The following FHIT variants were observed in gnomAD, a reference collection of about 807,000 sequenced individuals.
FHIT encodes the protein fragile histidine triad diadenosine triphosphatase.
Under a neutral mutation model 17.9 loss-of-function variants are expected in FHIT, and 19 were observed. The observed-to-expected ratio is 1.06, with a 90% CI of 0.74 to 1.56. The LOEUF is 1.56. Among genes scored for constraint, FHIT ranks in the 40% most tolerant of loss-of-function variants. FHIT has a pLI of 0.00. For missense variants in FHIT, 248 were observed against 189.2 expected (o/e 1.31, Z -1.82); for synonymous variants, 81 against 69.7 (o/e 1.16, Z -0.81).
chr3:60,777,917 T>C (rs983787014), intron 4 of FHIT, among the ~76,000 whole-genome samples: 1 of 152,208 alleles, frequency 6.6e-6, no homozygotes, highest in Non-Finnish European at 1.5e-5. Context: ...TCAAGTGTTT[T>C]AAACCTTGAA....
In FHIT at chr3:60,469,959, T is replaced by A. The variant is rs139416947; in HGVS notation, c.103+66901A>T. On this transcript the variant is annotated intron_variant, in intron 5 of 9. Transcript: ENST00000492590. ...GTAACTTCCAGAAGAATTCCCTGGA[T>A]TACCAGGCAGAGACTCTTGTTCTCA... Among the ~76,000 whole-genome samples, 53 of 152,074 alleles carry A rather than the reference T, an allele frequency of 3.5e-4. 1 individual carries two copies. The highest frequency in any genetic ancestry group is 1.2e-3 in the African/African-American group (50 of 41,492).
At chr3:60,107,404 C>G in intron 5 of FHIT, among the ~76,000 whole-genome samples, 1 of 152,064 alleles carries the variant, frequency 6.6e-6, no homozygotes, top group East Asian at 1.9e-4. Context: ...CAAACTGAGG[C>G]AGGATAAAAT....
chr3:60,455,378 G>A (rs751763284), intron 5 of FHIT, among the ~76,000 whole-genome samples: 6 of 151,988 alleles, frequency 3.9e-5, no homozygotes, highest in Admixed American at 6.6e-5. Context: ...GCAATCTTAC[G>A]GCCATTTACA....
intron 3 of FHIT, among the ~76,000 whole-genome samples, chr3:60,972,707 C>T (rs1370744000): frequency 6.6e-6 from 1 of 152,070 alleles, no homozygotes; most frequent in Non-Finnish European, 1.5e-5. Flanking sequence ...TGACACAGAC[C>T]TTTACACTAA....
chr3:59,975,103 T>C (rs1267075990), intron 7 of FHIT, among the ~76,000 whole-genome samples: 1 of 152,098 alleles, frequency 6.6e-6, no homozygotes, highest in East Asian at 1.9e-4. Flanking sequence ...TTTTTATCAG[T>C]TTTATTCATT....
At chr3:60,646,289 A>G (rs1450246984) in intron 4 of FHIT, among the ~76,000 whole-genome samples, 2 of 152,120 alleles carry the variant, frequency 1.3e-5, no homozygotes, top group African/African-American at 4.8e-5. Context: ...TTATATATAT[A>G]TACATTTACG....
chr3:61,206,162 G>C (rs1052998029), intron 1 of FHIT, among the ~76,000 whole-genome samples: 1 of 133,998 alleles, frequency 7.5e-6, no homozygotes, highest in Admixed American at 8.2e-5. Flanking sequence ...GCTCTGTTCT[G>C]TTCCATTGAT....
chr3:60,923,530 C>T (rs923002383), intron 3 of FHIT, among the ~76,000 whole-genome samples: 1 of 152,182 alleles, frequency 6.6e-6, no homozygotes, highest in Non-Finnish European at 1.5e-5. Flanking sequence ...AATAATTATA[C>T]TTCCTAAAAG....
At chr3:59,906,882 T>C (rs555202333) in intron 8 of FHIT, among the ~76,000 whole-genome samples, 6 of 152,350 alleles carry the variant, frequency 3.9e-5, no homozygotes, top group East Asian at 1.9e-4. Context: ...TTATCTCCTA[T>C]TCTCAGTGAA....
chr3:60,719,228 C>CCA (rs1461092759), intron 4 of FHIT, among the ~76,000 whole-genome samples: 1 of 152,138 alleles, frequency 6.6e-6, no homozygotes, highest in Non-Finnish European at 1.5e-5. Flanking sequence ...ATCTAATAAA[C>CCA]CATCTCTATT....
chr3:60,663,649 C>T (rs1252494548), intron 4 of FHIT, among the ~76,000 whole-genome samples: 1 of 152,026 alleles, frequency 6.6e-6, no homozygotes, highest in East Asian at 1.9e-4. Context: ...GTTGGCCAGG[C>T]TGGTCTCAAA....
intron 5 of FHIT, among the ~76,000 whole-genome samples, chr3:60,258,838 TGGAAG>T (rs1706151137): frequency 6.6e-6 from 1 of 152,120 alleles, no homozygotes; most frequent in Non-Finnish European, 1.5e-5. Context: ...GGAGGGACTT[TGGAAG>T]GCCTGTTTGC....
intron 5 of FHIT, among the ~76,000 whole-genome samples, chr3:60,374,009 G>A (rs758281286): frequency 3.9e-5 from 6 of 152,142 alleles, no homozygotes; most frequent in Non-Finnish European, 7.4e-5. Flanking sequence ...ATTACTACAT[G>A]TATCTTTTTA....
At chr3:60,864,865 A>G (rs550387174) in intron 3 of FHIT, among the ~76,000 whole-genome samples, 3 of 152,250 alleles carry the variant, frequency 2.0e-5, no homozygotes, top group South Asian at 4.1e-4. Context: ...AAATGCATCA[A>G]AACCCTAAAA....
At chr3:60,952,349 C>T (rs893916244) in intron 3 of FHIT, among the ~76,000 whole-genome samples, 8 of 152,176 alleles carry the variant, frequency 5.3e-5, no homozygotes, top group African/African-American at 1.9e-4. Context: ...TCAGTGACAA[C>T]TTGGCCTATT....
At chr3:59,760,376 A>C (rs1011153366) in intron 8 of FHIT, among the ~76,000 whole-genome samples, 3 of 152,208 alleles carry the variant, frequency 2.0e-5, no homozygotes, top group African/African-American at 7.2e-5. Context: ...TATACATTGA[A>C]GTATCACATT....
At chr3:61,217,416 G>A (rs1210699020) in intron 1 of FHIT, among the ~76,000 whole-genome samples, 1 of 152,224 alleles carries the variant, frequency 6.6e-6, no homozygotes, top group African/African-American at 2.4e-5. Flanking sequence ...CACAGCTAGA[G>A]CTAGCAGCTG....
chr3:60,812,927 A>G (rs1394265044), intron 4 of FHIT, among the ~76,000 whole-genome samples: 2 of 152,128 alleles, frequency 1.3e-5, no homozygotes, highest in African/African-American at 4.8e-5. Flanking sequence ...TGGAGGAAAC[A>G]CTTTGAACTT....
chr3:60,345,795 G>A (rs1293747057), intron 5 of FHIT, among the ~76,000 whole-genome samples: 3 of 152,154 alleles, frequency 2.0e-5, no homozygotes, highest in Non-Finnish European at 4.4e-5. Context: ...GAAAGAAAAT[G>A]TCTTTTTGAA....
Sources: allele counts gnomAD v4.1 joint callset (sites outside exome capture counted in the v4.1 genomes callset), GRCh38; gene constraint gnomAD v4.1.1; transcripts MANE v1.5; gene names NCBI Gene and HGNC (gene_info 2026-07-23, HGNC 2026-07-21).